ANXA10: variants seen among roughly 807,000 people sequenced by gnomAD.
ANXA10 encodes annexin A10, also known as annexin 14.
A neutral mutation model predicts 53.5 loss-of-function variants in ANXA10; 49 were observed. The observed-to-expected ratio is 0.92, with a 90% CI of 0.73 to 1.16. The LOEUF is 1.16. Among genes scored for constraint, ANXA10 ranks in the 50% most tolerant of loss-of-function variants. ANXA10 has a pLI of 0.00. For synonymous variants in ANXA10, 131 were observed against 128.9 expected (o/e 1.02, Z -0.11); for missense variants, 393 against 394.4 (o/e 1.00, Z 0.03).
chr4:168,098,885 T>G (rs1730596229), intron 1 of ANXA10, among the ~76,000 whole-genome samples: 1 of 152,102 alleles, frequency 6.6e-6, no homozygotes, highest in African/African-American at 2.4e-5. Context: ...CTGTTATAGA[T>G]ACAGTGGGAA....
intron 1 of ANXA10, among the ~76,000 whole-genome samples, chr4:168,096,909 T>C (rs1476425157): frequency 2.8e-5 from 4 of 140,666 alleles, no homozygotes; most frequent in African/African-American, 1.1e-4. Context: ...CTAATACAAA[T>C]GCATATATAT....
At chr4:168,141,141 A>G (rs1339669110) in intron 3 of ANXA10, among the ~76,000 whole-genome samples, 2 of 152,216 alleles carry the variant, frequency 1.3e-5, no homozygotes, top group African/African-American at 4.8e-5. Context: ...TTCACTGTAC[A>G]TATAAAGTCT....
At chr4:168,115,905 A>G (rs1214184183) in intron 1 of ANXA10, among the ~76,000 whole-genome samples, 2 of 152,222 alleles carry the variant, frequency 1.3e-5, no homozygotes, top group African/African-American at 4.8e-5. Context: ...TATGTGAATA[A>G]TGAATTTTTA....
At chr4:168,162,201 C>T (rs1408136420) in intron 3 of ANXA10, among the ~76,000 whole-genome samples, 3 of 152,072 alleles carry the variant, frequency 2.0e-5, no homozygotes, top group South Asian at 2.1e-4. Flanking sequence ...TAAAGACCCC[C>T]AATTAAATGT....
chr4:168,101,356 T>G (rs1264808938), intron 1 of ANXA10, among the ~76,000 whole-genome samples: 2 of 151,974 alleles, frequency 1.3e-5, no homozygotes, highest in African/African-American at 4.8e-5. Flanking sequence ...TCTTTATAAA[T>G]TACCCAGCCT....
chr4:168,123,885 C>T (rs1731029004), intron 1 of ANXA10, among the ~76,000 whole-genome samples: 2 of 152,124 alleles, frequency 1.3e-5, no homozygotes, highest in Admixed American at 6.5e-5. Context: ...AATTTTGCCT[C>T]ATTTTCCATT....
At chr4:168,160,164 T>C (rs1247650753) in intron 3 of ANXA10, among the ~76,000 whole-genome samples, 1 of 152,226 alleles carries the variant, frequency 6.6e-6, no homozygotes, top group African/African-American at 2.4e-5. Context: ...ATAACCTAGA[T>C]ATTAAGCCCA....
At chr4:168,159,485 G>C (rs1230386916) in intron 3 of ANXA10, among the ~76,000 whole-genome samples, 2 of 152,088 alleles carry the variant, frequency 1.3e-5, no homozygotes, top group African/African-American at 4.8e-5. Flanking sequence ...TTCCATAAGG[G>C]CTTGATAGAT....
chr4:168,105,312 A>G (rs970814342), intron 1 of ANXA10, among the ~76,000 whole-genome samples: 6 of 151,566 alleles, frequency 4.0e-5, no homozygotes, highest in Non-Finnish European at 8.8e-5. Context: ...GTTCCCTTCT[A>G]TATGTCCATG....
At chr4:168,186,313 T>C (rs1041086211) in intron 11 of ANXA10, among the ~76,000 whole-genome samples, 2 of 152,180 alleles carry the variant, frequency 1.3e-5, no homozygotes, top group Admixed American at 6.5e-5. Flanking sequence ...AATTAAAACC[T>C]CCCTAATTTT....
At chr4:168,151,754 C>G (rs1731501688) in intron 3 of ANXA10, among the ~76,000 whole-genome samples, 1 of 152,208 alleles carries the variant, frequency 6.6e-6, no homozygotes, top group Non-Finnish European at 1.5e-5. Context: ...ATCTTCCCAA[C>G]TGAAAGTAAC....
intron 2 of ANXA10, among the ~76,000 whole-genome samples, chr4:168,132,094 T>C (rs2149470606): frequency 1.3e-5 from 2 of 152,080 alleles, no homozygotes; most frequent in East Asian, 3.8e-4. Context: ...AAAAGTGAGT[T>C]ATACCATGTG....
intron 6 of ANXA10, among the ~76,000 whole-genome samples, chr4:168,168,567 G>A (rs1050653672): frequency 2.6e-5 from 4 of 151,958 alleles, no homozygotes; most frequent in East Asian, 1.9e-4. Flanking sequence ...TTACAGGCAC[G>A]TGCCACCAAG....
intron 3 of ANXA10, among the ~76,000 whole-genome samples, chr4:168,150,913 G>C (rs902214597): frequency 6.6e-6 from 1 of 152,176 alleles, no homozygotes; most frequent in Admixed American, 6.5e-5. Context: ...CAGGGGTGGA[G>C]TAAGTCTTTC....
chr4:168,162,454 A>G lies in ANXA10; in HGVS notation c.196-74A>G. 4 of 1,016,810 alleles carry G rather than the reference A, an allele frequency of 3.9e-6. No individual in the cohort carries two copies. In the South Asian group the frequency reaches 5.5e-5, roughly 14 times the overall value. The allele number at this position is 1,016,810 out of a possible 1,614,324, so 63.0% of individuals were successfully genotyped here. ...GACATGGAAAAGAAAATATTAAAAGACTTTCTGCAATTATCTCATTTCTCT... is the reference window on the plus strand; with the variant it reads ...GACATGGAAAAGAAAATATTAAAAGGCTTTCTGCAATTATCTCATTTCTCT... On this transcript the variant is annotated intron_variant, in intron 3 of 11. Coordinates refer to ENST00000359299, the MANE Select transcript of ANXA10 (RefSeq NM_007193.5).
At chr4:168,137,569 C>T (rs1731257373) in intron 2 of ANXA10, among the ~76,000 whole-genome samples, 1 of 152,096 alleles carries the variant, frequency 6.6e-6, no homozygotes, top group Non-Finnish European at 1.5e-5. Flanking sequence ...AGGATAATGG[C>T]CTCTGATTCT....
intron 2 of ANXA10, among the ~76,000 whole-genome samples, chr4:168,135,101 C>T (rs1731215632): frequency 6.6e-6 from 1 of 152,072 alleles, no homozygotes; most frequent in Non-Finnish European, 1.5e-5. Flanking sequence ...AAGACTATTG[C>T]AAGAAGGGAG....
intron 1 of ANXA10, among the ~76,000 whole-genome samples, chr4:168,126,183 A>C (rs1202979219): frequency 6.6e-6 from 1 of 152,190 alleles, no homozygotes. Context: ...AAAACTCCTA[A>C]AACAGTCTCT....
At chr4:168,108,271 C>T (rs1420268265) in intron 1 of ANXA10, among the ~76,000 whole-genome samples, 1 of 152,144 alleles carries the variant, frequency 6.6e-6, no homozygotes, top group African/African-American at 2.4e-5. Flanking sequence ...TGCTGACCTC[C>T]TATCTCATCC....
Sources: allele counts gnomAD v4.1 joint callset (sites outside exome capture counted in the v4.1 genomes callset), GRCh38; gene constraint gnomAD v4.1.1; transcripts MANE v1.5; gene names NCBI Gene and HGNC (gene_info 2026-07-23, HGNC 2026-07-21).